ATP8B4: variants seen among roughly 807,000 people sequenced by gnomAD.
ATP8B4 encodes probable phospholipid-transporting ATPase IM.
ATP8B4 carries 133 observed loss-of-function variants against 145.6 expected under a neutral mutation model. That is an observed-to-expected ratio of 0.91 (90% CI 0.79 to 1.05). ATP8B4 has a LOEUF of 1.05. Among genes scored for constraint, ATP8B4 ranks in the 50% least tolerant of loss-of-function variants. ATP8B4 has a pLI of 0.00. For missense variants in ATP8B4, 1,458 were observed against 1,425.2 expected (o/e 1.02, Z -0.37); for synonymous variants, 507 against 492.9 (o/e 1.03, Z -0.38).
intron 22 of ATP8B4, 51 bp from the exon 23 acceptor site, chr15:49,897,566 T>G (rs1566947827): frequency 7.2e-7 from 1 of 1,383,374 alleles, no homozygotes; most frequent in Non-Finnish European, 9.5e-7. Flanking sequence ...CCACGATCTC[T>G]TTTGGAAACT....
At chr15:50,094,770 T>C (rs1425977054) in intron 2 of ATP8B4, among the ~76,000 whole-genome samples, 2 of 150,274 alleles carry the variant, frequency 1.3e-5, no homozygotes, top group Non-Finnish European at 3.0e-5. Flanking sequence ...GAATCCTGAC[T>C]AATTCAATGA....
chr15:50,068,817 C>T (rs961592436), intron 3 of ATP8B4, among the ~76,000 whole-genome samples: 4 of 151,918 alleles, frequency 2.6e-5, no homozygotes, highest in African/African-American at 9.7e-5. Context: ...CCAACGAGAA[C>T]CAGTGCTTTC....
At chr15:50,138,556 C>A (rs529362125) in intron 1 of ATP8B4, among the ~76,000 whole-genome samples, 117 of 152,246 alleles carry the variant, frequency 7.7e-4, no homozygotes, top group Non-Finnish European at 1.3e-3. Context: ...GGCACCACTG[C>A]CACAACTTAA....
intron 5 of ATP8B4, among the ~76,000 whole-genome samples, chr15:50,042,394 C>A (rs1348446188): frequency 6.6e-6 from 1 of 151,996 alleles, no homozygotes; most frequent in Non-Finnish European, 1.5e-5. Context: ...TCACATGAAC[C>A]AACTTGATAA....
At chr15:49,976,460 A>G (rs1483925238) in intron 12 of ATP8B4, among the ~76,000 whole-genome samples, 2 of 152,164 alleles carry the variant, frequency 1.3e-5, no homozygotes, top group Admixed American at 1.3e-4. Flanking sequence ...AGAGAGATAA[A>G]GTGACTAACC....
At position 50,038,760 on chromosome 15, in the gene ATP8B4, T is replaced by A. The variant is rs1385795175; in HGVS notation, c.362+8A>T. 1 of 1,607,230 alleles carries A rather than the reference T, an allele frequency of 6.2e-7. No homozygotes were observed. The highest frequency in any genetic ancestry group is 1.3e-5 in the African/African-American group (1 of 74,894). Reference sequence around the variant, plus strand: ...TTTTCAGAATAACCCACAGAATGTATTTCTTACTTGCTGTTGATGAGCACT... The same window carrying A: ...TTTTCAGAATAACCCACAGAATGTAATTCTTACTTGCTGTTGATGAGCACT... On this transcript the variant is annotated splice_region_variant and intron_variant, in intron 6 of 27. Coordinates refer to ENST00000284509, the MANE Select transcript of ATP8B4 (RefSeq NM_024837.4).
intron 26 of ATP8B4, among the ~76,000 whole-genome samples, chr15:49,862,769 A>G (rs1040345542): frequency 2.0e-5 from 3 of 152,132 alleles, no homozygotes; most frequent in East Asian, 1.9e-4. Flanking sequence ...TCTTTTTTCA[A>G]TGGTGAGATT....
chr15:49,859,532 T>C lies in ATP8B4; in HGVS notation c.*662A>G, dbSNP rs1249719245. The C allele has an allele frequency of 5.3e-5, 8 of 152,198 alleles. No individual in the cohort carries two copies. The highest frequency in any genetic ancestry group is 1.9e-4 in the African/African-American group (8 of 41,454). 9.4% of individuals were successfully genotyped at this position (152,198 alleles called of 1,614,324 possible). A position where few individuals can be genotyped will look rare whatever the true frequency, so the allele number is the denominator to read the frequency against. On this transcript the variant is annotated 3_prime_UTR_variant, in exon 28 of 28. Transcript: ENST00000284509. ...CTGAGAGCTTTTTGAATAAATTTGATCAAATTACCAGCCTATCCTGCTGCA... is the reference window on the plus strand; with the variant it reads ...CTGAGAGCTTTTTGAATAAATTTGACCAAATTACCAGCCTATCCTGCTGCA...
intron 14 of ATP8B4, among the ~76,000 whole-genome samples, chr15:49,957,463 G>C (rs566259030): frequency 1.1e-4 from 16 of 151,830 alleles, no homozygotes; most frequent in Non-Finnish European, 1.9e-4. Context: ...ACCAAGACAA[G>C]ATATAGCCCC....
rs766468742 is a variant in ATP8B4 at position 49,901,217 on chromosome 15, C to G, written c.2164G>C (p.Gly722Arg). 6.2e-7 allele frequency: 1 copy of G among 1,613,064 alleles called. No individual in the cohort carries two copies. Among genetic ancestry groups the G allele is most frequent in the Non-Finnish European group, 8.5e-7 (1 of 1,179,452 alleles). ...ELRKAKQNLF[G>R]QNRNFSNGHV... ...CCATTGGAAAAATTTCTGTTTTGTCCAAACAAATTTTGTTTTGCTTTCCTT... is the reference window on the plus strand; with the variant it reads ...CCATTGGAAAAATTTCTGTTTTGTCGAAACAAATTTTGTTTTGCTTTCCTT... The change falls in exon 21 of 28, where the codon GGA becomes CGA. Residue 722 changes from glycine to arginine, a missense_variant. Coordinates refer to ENST00000284509, the MANE Select transcript of ATP8B4 (RefSeq NM_024837.4).
chr15:50,137,781 C>T (rs1367090163), intron 1 of ATP8B4, among the ~76,000 whole-genome samples: 1 of 152,106 alleles, frequency 6.6e-6, no homozygotes, highest in African/African-American at 2.4e-5. Context: ...GGAGGGTCGT[C>T]ATCTTGAAGA....
intron 13 of ATP8B4, among the ~76,000 whole-genome samples, chr15:49,969,702 A>C (rs2044905890): frequency 6.6e-6 from 1 of 152,212 alleles, no homozygotes; most frequent in Non-Finnish European, 1.5e-5. Flanking sequence ...TACAAAGAGG[A>C]GCTGGTACCA....
At chr15:49,876,841 T>A in intron 24 of ATP8B4, 1 of 440,804 alleles carries the variant, frequency 2.3e-6, no homozygotes, top group Non-Finnish European at 4.3e-6. Context: ...TCCTACACTC[T>A]CCTGCAGGCT....
chr15:50,132,963 G>A (rs545837500), intron 1 of ATP8B4, among the ~76,000 whole-genome samples: 225 of 139,170 alleles, frequency 1.6e-3, no homozygotes, highest in Admixed American at 0.016. Context: ...CCTGTTGAGG[G>A]GTGGTGGGCT....
chr15:50,173,965 C>T (rs2044726606), intron 1 of ATP8B4, among the ~76,000 whole-genome samples: 1 of 152,134 alleles, frequency 6.6e-6, no homozygotes, highest in Non-Finnish European at 1.5e-5. Context: ...GGGTTTCATA[C>T]CGGGGATGCA....
rs1159895513 is a variant in ATP8B4, at chr15:50,011,019, G to A, written c.363-102C>T. On this transcript the variant is annotated intron_variant, in intron 6 of 27. Coordinates refer to ENST00000284509, the MANE Select transcript of ATP8B4 (RefSeq NM_024837.4). ...TAGCATCATATAACAGAGGAAGCAG[G>A]CAAGACTTTCCTAGTATGTTAATTC... 4.1e-6 allele frequency: 3 copies of A among 731,866 alleles called. No individual in the cohort carries two copies. The Admixed American group carries it at 1.1e-4, about 27-fold the overall frequency. 45.3% of individuals were successfully genotyped at this position (731,866 alleles called of 1,614,324 possible).
chr15:50,125,474 A>G (rs1365948542), intron 1 of ATP8B4, among the ~76,000 whole-genome samples: 1 of 152,204 alleles, frequency 6.6e-6, no homozygotes, highest in African/African-American at 2.4e-5. Flanking sequence ...GGGACATTTC[A>G]CACATTCTTC....
intron 25 of ATP8B4, among the ~76,000 whole-genome samples, chr15:49,871,999 C>G (rs959234432): frequency 1.3e-5 from 2 of 152,106 alleles, no homozygotes; most frequent in African/African-American, 4.8e-5. Context: ...GCAAAGTGAT[C>G]CCAGCCACAG....
Position 50,116,556 on chromosome 15 carries a change from G to A in ATP8B4, c.-43+2567C>T, listed in dbSNP as rs115694910. 3.2e-3 allele frequency among the ~76,000 whole-genome samples: 481 copies of A among 152,226 alleles called. 1 individual carries two copies. The highest frequency in any genetic ancestry group is 0.011 in the African/African-American group (460 of 41,530). On this transcript the variant is annotated intron_variant, in intron 1 of 27. Coordinates refer to ENST00000284509, the MANE Select transcript of ATP8B4 (RefSeq NM_024837.4). Reference sequence around the variant, plus strand: ...TAGACTTGGAATCATCAACATATAAGGAAGGAGTGAAGTCAAGGGGGAATG... The same window carrying A: ...TAGACTTGGAATCATCAACATATAAAGAAGGAGTGAAGTCAAGGGGGAATG...
Sources: allele counts gnomAD v4.1 joint callset (sites outside exome capture counted in the v4.1 genomes callset), GRCh38; gene constraint gnomAD v4.1.1; transcripts MANE v1.5; gene names NCBI Gene and HGNC (gene_info 2026-07-23, HGNC 2026-07-21).